ANTXR2: variants seen among roughly 807,000 people sequenced by gnomAD.
ANTXR2 encodes the protein ANTXR cell adhesion molecule 2.
ANTXR2 carries 44 observed loss-of-function variants against 73.7 expected under a neutral mutation model. The ratio of observed to expected loss-of-function variants is 0.60; its 90% confidence interval spans 0.47 to 0.77. ANTXR2 has a LOEUF of 0.77. Ranked by LOEUF, ANTXR2 falls within the 30% of genes least tolerant of loss-of-function variation. The pLI is 0.00. For synonymous variants in ANTXR2, 217 were observed against 205.9 expected, an observed-to-expected ratio of 1.05 and a Z score of -0.46; for missense variants, 604 against 592.5, an observed-to-expected ratio of 1.02 and a Z score of -0.20.
chr4:80,036,696 G>A (rs1171752356), intron 7 of ANTXR2, among the ~76,000 whole-genome samples: 1 of 152,076 alleles, frequency 6.6e-6, no homozygotes, highest in South Asian at 2.1e-4. Flanking sequence ...AGCTACTCGG[G>A]AGGCTGAGGC....
At chr4:79,991,893 T>C (rs1730487795) in intron 12 of ANTXR2, among the ~76,000 whole-genome samples, 1 of 151,530 alleles carries the variant, frequency 6.6e-6, no homozygotes, top group Non-Finnish European at 1.5e-5. Flanking sequence ...ATAAGTGGAG[T>C]GGAAGCTGCA....
intron 16 of ANTXR2, among the ~76,000 whole-genome samples, chr4:79,965,400 C>T (rs1729324777): frequency 6.6e-6 from 1 of 152,098 alleles, no homozygotes; most frequent in South Asian, 2.1e-4. Flanking sequence ...TTTAGAGTCA[C>T]TATTATCTCC....
At chr4:79,936,871 C>A (rs1265941551) in intron 16 of ANTXR2, among the ~76,000 whole-genome samples, 1 of 152,088 alleles carries the variant, frequency 6.6e-6, no homozygotes, top group Non-Finnish European at 1.5e-5. Flanking sequence ...AAAGGTACTA[C>A]ACTCTACCAC....
intron 16 of ANTXR2, among the ~76,000 whole-genome samples, chr4:79,923,726 GCA>G (rs1344401057): frequency 1.3e-5 from 2 of 152,094 alleles, no homozygotes. Flanking sequence ...TTAAATCAGT[GCA>G]CAGTTAACTG....
intron 11 of ANTXR2, among the ~76,000 whole-genome samples, chr4:80,015,928 G>GAA (rs1731838099): frequency 8.1e-5 from 3 of 37,138 alleles, no homozygotes; most frequent in Admixed American, 3.3e-4. Flanking sequence ...AAGGAAAAAG[G>GAA]AAAGGAAAGG....
rs1057133988 is a variant in ANTXR2, at chr4:79,907,118, C to T, written c.*311G>A. 1 of 364,186 alleles carries T rather than the reference C, an allele frequency of 2.7e-6. No individual in the cohort carries two copies. The highest frequency in any genetic ancestry group is 4.9e-6 in the Non-Finnish European group (1 of 203,372). The allele number at this position is 364,186 out of a possible 1,614,324, so 22.6% of individuals were successfully genotyped here. ...GTGTTGTTGCTGTTGTTGCTTTTTC[C>T]TCTTCTACACATTCAAACAAACTTT... On this transcript the variant is annotated 3_prime_UTR_variant, in exon 17 of 17. Transcript: ENST00000403729.
chr4:79,954,181 T>G (rs1728807872), intron 16 of ANTXR2, among the ~76,000 whole-genome samples: 1 of 152,108 alleles, frequency 6.6e-6, no homozygotes, highest in Non-Finnish European at 1.5e-5. Context: ...TGTTGTTTGT[T>G]TTTGAGACAA....
At chr4:79,924,465 T>C (rs1273479518) in intron 16 of ANTXR2, among the ~76,000 whole-genome samples, 1 of 152,064 alleles carries the variant, frequency 6.6e-6, no homozygotes, top group African/African-American at 2.4e-5. Flanking sequence ...CACTACAGCC[T>C]GGGTGATAGA....
intron 4 of ANTXR2, 97 bp downstream of exon 4, chr4:80,055,835 A>G (rs1578189988): frequency 1.1e-6 from 1 of 895,892 alleles, no homozygotes; most frequent in East Asian, 2.9e-5. Flanking sequence ...TTTAAGATAA[A>G]TATGTAATGA....
At chr4:79,998,330 G>A (rs1730834646) in intron 12 of ANTXR2, among the ~76,000 whole-genome samples, 1 of 151,958 alleles carries the variant, frequency 6.6e-6, no homozygotes, top group Non-Finnish European at 1.5e-5. Context: ...CCTTGAGGCT[G>A]CAGAACATTG....
intron 2 of ANTXR2, among the ~76,000 whole-genome samples, chr4:80,070,885 A>C (rs1236999528): frequency 6.6e-6 from 1 of 151,248 alleles, no homozygotes; most frequent in South Asian, 2.1e-4. Context: ...AAAAAGAAGG[A>C]AAAAAAAAGC....
intron 16 of ANTXR2, among the ~76,000 whole-genome samples, chr4:79,911,301 C>T (rs895822188): frequency 1.3e-5 from 2 of 152,128 alleles, no homozygotes; most frequent in Non-Finnish European, 2.9e-5. Flanking sequence ...ACATACAACT[C>T]ATCAAAGAAC....
intron 16 of ANTXR2, among the ~76,000 whole-genome samples, chr4:79,974,640 T>C (rs953959137): frequency 6.6e-6 from 1 of 151,828 alleles, no homozygotes; most frequent in Non-Finnish European, 1.5e-5. Context: ...GAGATGATGC[T>C]TTACATAATA....
At chr4:80,038,034 G>C (rs1363469197) in intron 7 of ANTXR2, among the ~76,000 whole-genome samples, 2 of 151,994 alleles carry the variant, frequency 1.3e-5, no homozygotes, top group East Asian at 3.9e-4. Context: ...AGCTTTATCA[G>C]TATTACTGAA....
chr4:79,985,353 A>C (rs1578131444), intron 12 of ANTXR2, among the ~76,000 whole-genome samples: 1 of 151,918 alleles, frequency 6.6e-6, no homozygotes, highest in East Asian at 1.9e-4. Context: ...CTGTCTCAAA[A>C]AAAAAAGAAA....
At chr4:79,945,007 C>T (rs1216291282) in intron 16 of ANTXR2, among the ~76,000 whole-genome samples, 4 of 151,946 alleles carry the variant, frequency 2.6e-5, no homozygotes, top group African/African-American at 7.3e-5. Flanking sequence ...AAATATTACC[C>T]GAATTATTTA....
chr4:80,007,051 CAA>C (rs1731335308), intron 12 of ANTXR2, among the ~76,000 whole-genome samples: 1 of 152,042 alleles, frequency 6.6e-6, no homozygotes, highest in South Asian at 2.1e-4. Flanking sequence ...ATTAGTTCAG[CAA>C]AGAGACAGGA....
intron 7 of ANTXR2, among the ~76,000 whole-genome samples, chr4:80,036,417 T>C (rs1462281368): frequency 1.3e-5 from 2 of 152,250 alleles, no homozygotes; most frequent in East Asian, 3.9e-4. Context: ...TGTTTAGTAA[T>C]GCTGTTATGT....
chr4:79,988,317 G>A (rs1403651313), intron 12 of ANTXR2, among the ~76,000 whole-genome samples: 2 of 126,210 alleles, frequency 1.6e-5, no homozygotes, highest in African/African-American at 6.2e-5. Context: ...GATCACTCAA[G>A]CAAACAGAAA....
Sources: allele counts gnomAD v4.1 joint callset (sites outside exome capture counted in the v4.1 genomes callset), GRCh38; gene constraint gnomAD v4.1.1; transcripts MANE v1.5; gene names NCBI Gene and HGNC (gene_info 2026-07-23, HGNC 2026-07-21).